The following CYTH1 variants were observed in gnomAD, a reference collection of about 807,000 sequenced individuals.
CYTH1 encodes the protein cytohesin 1, also known as cytohesin-1.
Under a neutral mutation model 61.8 loss-of-function variants are expected in CYTH1, and 18 were observed. The observed-to-expected ratio is 0.29, with a 90% CI of 0.20 to 0.43. The LOEUF is 0.43. CYTH1 is among the 20% of genes least tolerant of loss of function. The pLI, the probability that CYTH1 is intolerant of heterozygous loss-of-function variation, is 1.00. For synonymous variants in CYTH1, 174 were observed against 184.3 expected (o/e 0.94, Z 0.45); for missense variants, 336 against 510.5 (o/e 0.66, Z 3.29).
chr17:78,758,434 G>A (rs756495785), intron 1 of CYTH1, among the ~76,000 whole-genome samples: 1 of 152,190 alleles, frequency 6.6e-6, no homozygotes, highest in Non-Finnish European at 1.5e-5. Context: ...GCCCGGTGTG[G>A]TGGCTCACGC....
chr17:78,737,225 A>C (rs2093324129), intron 1 of CYTH1, among the ~76,000 whole-genome samples: 1 of 152,202 alleles, frequency 6.6e-6, no homozygotes, highest in Non-Finnish European at 1.5e-5. Context: ...AATTATTTGC[A>C]CATAAGCTAC....
At chr17:78,758,285 G>A (rs1439146357) in intron 1 of CYTH1, among the ~76,000 whole-genome samples, 2 of 152,212 alleles carry the variant, frequency 1.3e-5, no homozygotes, top group East Asian at 1.9e-4. Flanking sequence ...TGTCCTTGCT[G>A]AGAGTGCCAA....
chr17:78,709,637 G>A lies in CYTH1; in HGVS notation c.105+13C>T, dbSNP rs2093107184. ...GTTCTTACGTTGGTGAAACCACCATGCCACTCTCCTACCTGAATGTCAGCC... is the reference window on the plus strand; with the variant it reads ...GTTCTTACGTTGGTGAAACCACCATACCACTCTCCTACCTGAATGTCAGCC... On this transcript the variant is annotated intron_variant, in intron 2 of 13. Coordinates refer to ENST00000446868, the MANE Select transcript of CYTH1 (RefSeq NM_004762.6). 1.2e-6 allele frequency: 2 copies of A among 1,613,916 alleles called. No homozygotes were observed. The highest frequency in any genetic ancestry group is 1.3e-5 in the African/African-American group (1 of 74,940).
intron 1 of CYTH1, among the ~76,000 whole-genome samples, chr17:78,735,999 T>C (rs907130216): frequency 1.3e-5 from 2 of 152,164 alleles, no homozygotes; most frequent in African/African-American, 4.8e-5. Context: ...AGCTCCACTG[T>C]TTACAGTACA....
At chr17:78,720,162 G>A (rs1316049899) in intron 1 of CYTH1, among the ~76,000 whole-genome samples, 1 of 152,090 alleles carries the variant, frequency 6.6e-6, no homozygotes, top group Non-Finnish European at 1.5e-5. Flanking sequence ...AAGTTCTAGA[G>A]ACTGGATTGC....
chr17:78,756,489 T>C (rs1196091442), intron 1 of CYTH1, among the ~76,000 whole-genome samples: 2 of 152,124 alleles, frequency 1.3e-5, no homozygotes, highest in African/African-American at 4.8e-5. Context: ...CAAATGGAAA[T>C]TAATGTGCTC....
intron 1 of CYTH1, among the ~76,000 whole-genome samples, chr17:78,748,325 A>G (rs757277723): frequency 3.3e-5 from 5 of 152,200 alleles, no homozygotes; most frequent in Non-Finnish European, 7.4e-5. Context: ...CAGCTGGTGT[A>G]AGTATTGATC....
chr17:78,730,226 G>A (rs1312773817), intron 1 of CYTH1, among the ~76,000 whole-genome samples: 2 of 151,906 alleles, frequency 1.3e-5, no homozygotes, highest in East Asian at 1.9e-4. Context: ...AAGGAAAGGC[G>A]TCAATAGTCA....
Position 78,682,145 on chromosome 17 carries a change from C to T in CYTH1, c.892-1103G>A, listed in dbSNP as rs531118180. ...GGGCTATACACAGTGTCTTCATTAA[C>T]ACCACGTTTCTCTTCCGACCTGTGC... On this transcript the variant is annotated intron_variant, in intron 11 of 13. Transcript: ENST00000446868. Among the ~76,000 whole-genome samples the T allele has an allele frequency of 6.6e-5, 10 of 152,232 alleles. No homozygotes were observed. The South Asian group carries it at 1.7e-3, about 25-fold the overall frequency.
At chr17:78,691,467 C>T (rs1017698252) in intron 11 of CYTH1, 1 of 152,256 alleles carries the variant, frequency 6.6e-6, no homozygotes, top group African/African-American at 2.4e-5. Flanking sequence ...CAATGTTTTA[C>T]TTAAGCCCCA....
intron 1 of CYTH1, among the ~76,000 whole-genome samples, chr17:78,733,242 T>C (rs2093304128): frequency 6.6e-6 from 1 of 152,218 alleles, no homozygotes; most frequent in Admixed American, 6.5e-5. Context: ...ACACACATGC[T>C]ATCTTACAGC....
At chr17:78,684,938 C>T (rs1033146136) in intron 11 of CYTH1, among the ~76,000 whole-genome samples, 2 of 152,148 alleles carry the variant, frequency 1.3e-5, no homozygotes, top group African/African-American at 2.4e-5. Context: ...TGGTGGCTCA[C>T]GCCTGTAATC....
chr17:78,753,185 C>T (rs2093387218), intron 1 of CYTH1, among the ~76,000 whole-genome samples: 1 of 152,052 alleles, frequency 6.6e-6, no homozygotes, highest in South Asian at 2.1e-4. Flanking sequence ...TCAGGCTGGG[C>T]GTGGTTGCTC....
intron 1 of CYTH1, among the ~76,000 whole-genome samples, chr17:78,768,340 C>T (rs1251097076): frequency 6.6e-6 from 1 of 152,182 alleles, no homozygotes; most frequent in Non-Finnish European, 1.5e-5. Context: ...GCATCACCCA[C>T]TCCCTGGGTT....
At chr17:78,733,935 A>T (rs1374100332) in intron 1 of CYTH1, among the ~76,000 whole-genome samples, 1 of 152,244 alleles carries the variant, frequency 6.6e-6, no homozygotes, top group Admixed American at 6.5e-5. Flanking sequence ...TATCCCAAAG[A>T]GATGCCAAAG....
chr17:78,685,701 T>C (rs1390033476), intron 11 of CYTH1, among the ~76,000 whole-genome samples: 1 of 152,208 alleles, frequency 6.6e-6, no homozygotes, highest in Non-Finnish European at 1.5e-5. Context: ...TTCTCTTACG[T>C]GCTGGATGTT....
intron 1 of CYTH1, among the ~76,000 whole-genome samples, chr17:78,773,870 C>G (rs1007018461): frequency 1.3e-5 from 2 of 152,062 alleles, no homozygotes; most frequent in Non-Finnish European, 2.9e-5. Flanking sequence ...TGACAAAAAC[C>G]TGTAAATCAC....
chr17:78,718,268 C>CACACACACACACACACAT (rs2093200024), intron 1 of CYTH1, among the ~76,000 whole-genome samples: 1 of 148,830 alleles, frequency 6.7e-6, no homozygotes, highest in African/African-American at 2.5e-5. Flanking sequence ...CACACACACA[C>CACACACACACACACACAT]GCTCCTTCTC....
intron 1 of CYTH1, among the ~76,000 whole-genome samples, chr17:78,760,501 A>ACG (rs2093422431): frequency 2.2e-5 from 1 of 44,930 alleles, no homozygotes; most frequent in African/African-American, 1.1e-4. Flanking sequence ...ATATATACAT[A>ACG]TATATGTATA....
Sources: gnomAD v4.1 joint callset for allele counts (sites outside exome capture counted in the v4.1 genomes callset) on GRCh38, gnomAD v4.1.1 for gene constraint, MANE v1.5 for transcripts, NCBI Gene and HGNC (gene_info 2026-07-23, HGNC 2026-07-21) for gene names.